CRCP: variants seen among roughly 807,000 people sequenced by gnomAD.
CRCP encodes DNA-directed RNA polymerase III subunit RPC9.
A neutral mutation model predicts 18.5 loss-of-function variants in CRCP; 18 were observed. That is an observed-to-expected ratio of 0.97 (90% confidence interval 0.67 to 1.44). CRCP has a LOEUF of 1.44. CRCP is among the 40% of genes most tolerant of loss of function. The pLI is 0.00. For synonymous variants in CRCP, 53 were observed against 62.9 expected, an observed-to-expected ratio of 0.84 and a Z score of 0.75; for missense variants, 130 against 176.4, an observed-to-expected ratio of 0.74 and a Z score of 1.49.
chr7:66,114,867 G>A lies in CRCP; in HGVS notation c.-96G>A. The A allele has an allele frequency of 6.2e-7, 1 of 1,604,876 alleles. No individual in the cohort carries two copies. The highest frequency in any genetic ancestry group is 1.7e-5 in the Admixed American group (1 of 59,746). On this transcript the variant is annotated 5_prime_UTR_variant, in exon 1 of 6. Coordinates refer to ENST00000395326, the MANE Select transcript of CRCP (RefSeq NM_014478.5). ...ATCCCGGCGAGCACCTTGGCGCGCG[G>A]AGCTGGCACCTTGGCGCTGTTGGTG...
At chr7:66,132,404 T>G (rs1262633089) in intron 3 of CRCP, among the ~76,000 whole-genome samples, 1 of 152,188 alleles carries the variant, frequency 6.6e-6, no homozygotes, top group Non-Finnish European at 1.5e-5. Flanking sequence ...TCTGTTGATT[T>G]GTGATTGCCT....
chr7:66,121,659 G>A (rs1027320068), intron 1 of CRCP, among the ~76,000 whole-genome samples: 7 of 152,070 alleles, frequency 4.6e-5, no homozygotes, highest in Non-Finnish European at 8.8e-5. Flanking sequence ...CTATCTATAA[G>A]GTATTTGCTA....
At chr7:66,132,642 G>C (rs539935180) in intron 3 of CRCP, among the ~76,000 whole-genome samples, 2 of 152,104 alleles carry the variant, frequency 1.3e-5, no homozygotes, top group African/African-American at 4.8e-5. Context: ...TTGGCTGGGC[G>C]TGGTGGCTCA....
At chr7:66,150,354 G>GAAACTCTGTCTCAGAAAAAAAA in intron 5 of CRCP, among the ~76,000 whole-genome samples, 1 of 146,526 alleles carries the variant, frequency 6.8e-6, no homozygotes, top group Non-Finnish European at 1.5e-5. Context: ...CAACAAGAGT[G>GAAACTCTGTCTCAGAAAAAAAA]AAGGGGGGGA....
Position 66,114,909 on chromosome 7 carries a change from T to G in CRCP, c.-54T>G, listed in dbSNP as rs1281136372. The G allele has an allele frequency of 5.0e-6, 8 of 1,610,732 alleles. No homozygotes were observed. The highest frequency in any genetic ancestry group is 1.7e-5 in the Admixed American group (1 of 59,874). On this transcript the variant is annotated 5_prime_UTR_variant, in exon 1 of 6. Coordinates refer to ENST00000395326, the MANE Select transcript of CRCP (RefSeq NM_014478.5). ...CTGTTGGTGGCGGCGGAGACAGCTG[T>G]GAAGTGTGAGGTTCTTTGTCTGCTG... is the stretch of plus-strand genomic sequence containing the variant.
intron 4 of CRCP, among the ~76,000 whole-genome samples, chr7:66,134,650 T>A (rs1787918961): frequency 6.6e-6 from 1 of 151,756 alleles, no homozygotes; most frequent in African/African-American, 2.4e-5. Context: ...ATTTACATTC[T>A]CAAAAAAGAC....
intron 1 of CRCP, among the ~76,000 whole-genome samples, chr7:66,116,587 C>G (rs1416608998): frequency 6.6e-6 from 1 of 151,892 alleles, no homozygotes; most frequent in Non-Finnish European, 1.5e-5. Context: ...ATAATTTACT[C>G]TAGTCCAAGC....
chr7:66,144,527 T>G (rs922051746), intron 4 of CRCP, among the ~76,000 whole-genome samples: 7 of 152,246 alleles, frequency 4.6e-5, no homozygotes, highest in African/African-American at 1.7e-4. Flanking sequence ...GGTGTGGCTC[T>G]GTCGCCCAGG....
At chr7:66,148,074 G>A (rs1788350999) in intron 5 of CRCP, among the ~76,000 whole-genome samples, 1 of 151,190 alleles carries the variant, frequency 6.6e-6, no homozygotes, top group Non-Finnish European at 1.5e-5. Context: ...AAAAAAAAAA[G>A]CAAATGGCTG....
At chr7:66,120,337 T>C (rs1252957871) in intron 1 of CRCP, among the ~76,000 whole-genome samples, 1 of 152,246 alleles carries the variant, frequency 6.6e-6, no homozygotes, top group Non-Finnish European at 1.5e-5. Context: ...GTGTATATTT[T>C]CTGATTTTCC....
intron 1 of CRCP, among the ~76,000 whole-genome samples, chr7:66,123,351 T>C (rs952293973): frequency 3.3e-5 from 5 of 152,234 alleles, no homozygotes; most frequent in African/African-American, 9.6e-5. Flanking sequence ...TATTACATAA[T>C]ACTAAAGTGT....
At chr7:66,129,999 T>G (rs1787744371) in intron 2 of CRCP, 2 of 249,790 alleles carry the variant, frequency 8.0e-6, no homozygotes, top group Non-Finnish European at 1.6e-5. Context: ...TTTCCTTTCT[T>G]TTTTGGGGGG....
At position 66,152,426 on chromosome 7, in the gene CRCP, G is replaced by A; in HGVS notation, c.*69G>A. Reference sequence around the variant, plus strand: ...GGCAGCCATTTCCTGGACGTTGAGAGGATTGTTTATTTGATTTTTATCCTC... The same window carrying A: ...GGCAGCCATTTCCTGGACGTTGAGAAGATTGTTTATTTGATTTTTATCCTC... On this transcript the variant is annotated 3_prime_UTR_variant, in exon 6 of 6. Transcript: ENST00000395326. 6.4e-7 allele frequency: 1 copy of A among 1,560,112 alleles called. No individual in the cohort carries two copies. The highest frequency in any genetic ancestry group is 8.7e-7 in the Non-Finnish European group (1 of 1,143,578).
intron 3 of CRCP, among the ~76,000 whole-genome samples, 163 bp downstream of exon 3, chr7:66,131,005 C>T (rs936623026): frequency 9.9e-5 from 15 of 152,158 alleles, no homozygotes; most frequent in Non-Finnish European, 1.6e-4. Context: ...CACAGAGTCT[C>T]GCTCTGTCGC....
At chr7:66,117,007 G>C (rs1170941355) in intron 1 of CRCP, among the ~76,000 whole-genome samples, 5 of 148,260 alleles carry the variant, frequency 3.4e-5, no homozygotes, top group African/African-American at 1.3e-4. Flanking sequence ...TGTAATCCCA[G>C]TAACTCAGGA....
chr7:66,134,057 A>C (rs1787894840), intron 3 of CRCP, among the ~76,000 whole-genome samples: 1 of 151,360 alleles, frequency 6.6e-6, no homozygotes, highest in African/African-American at 2.4e-5. Flanking sequence ...ATGGGGTTTC[A>C]CCATGGTGGC....
intron 4 of CRCP, among the ~76,000 whole-genome samples, chr7:66,137,058 C>T (rs919395451): frequency 3.3e-5 from 5 of 150,886 alleles, no homozygotes; most frequent in African/African-American, 7.3e-5. Flanking sequence ...TCCAGCCTGG[C>T]GACAGAGCGA....
chr7:66,123,772 G>T (rs868078076), intron 1 of CRCP, among the ~76,000 whole-genome samples: 5 of 150,348 alleles, frequency 3.3e-5, no homozygotes, highest in African/African-American at 7.3e-5. Flanking sequence ...AGGTGGGGGG[G>T]CCGGGCGCAG....
At chr7:66,122,312 T>C (rs1462505065) in intron 1 of CRCP, among the ~76,000 whole-genome samples, 2 of 148,234 alleles carry the variant, frequency 1.3e-5, no homozygotes, top group East Asian at 2.1e-4. Context: ...GTGGCGGAGT[T>C]TGCGGTGAGC....
Sources: allele counts gnomAD v4.1 joint callset (sites outside exome capture counted in the v4.1 genomes callset), GRCh38; gene constraint gnomAD v4.1.1; transcripts MANE v1.5; gene names NCBI Gene and HGNC (gene_info 2026-07-23, HGNC 2026-07-21).